The following SDK1 variants were observed in gnomAD, a reference collection of about 807,000 sequenced individuals.
The protein encoded by SDK1 is protein sidekick-1.
Under a neutral mutation model 245.5 loss-of-function variants are expected in SDK1, and 157 were observed. The ratio of observed to expected loss-of-function variants is 0.64; its 90% CI spans 0.56 to 0.73. SDK1 has a LOEUF of 0.73. SDK1 is among the 30% of genes least tolerant of loss of function. The pLI is 0.00. For synonymous variants in SDK1, 1,647 were observed against 1,278.5 expected, an observed-to-expected ratio of 1.29 and a Z score of -6.15; for missense variants, 3,583 against 3,002.3, an observed-to-expected ratio of 1.19 and a Z score of -4.52.
At chr7:3,552,183 G>A (rs927424226) in intron 1 of SDK1, among the ~76,000 whole-genome samples, 6 of 151,966 alleles carry the variant, frequency 3.9e-5, no homozygotes, top group South Asian at 2.1e-4. Context: ...GACTACAGGC[G>A]CCCACCACCA....
chr7:3,332,507 C>A (rs1241330484), intron 1 of SDK1, among the ~76,000 whole-genome samples: 1 of 152,144 alleles, frequency 6.6e-6, no homozygotes, highest in Non-Finnish European at 1.5e-5. Context: ...AAAGCGAAGT[C>A]AGAGTCATTA....
At chr7:3,631,411 G>A (rs932252018) in intron 2 of SDK1, among the ~76,000 whole-genome samples, 1 of 152,076 alleles carries the variant, frequency 6.6e-6, no homozygotes, top group African/African-American at 2.4e-5. Flanking sequence ...TTCTCTAGTT[G>A]TCCATCTTGA....
intron 5 of SDK1, among the ~76,000 whole-genome samples, chr7:3,856,510 G>T (rs1365629469): frequency 2.0e-5 from 3 of 147,194 alleles, no homozygotes; most frequent in Non-Finnish European, 4.5e-5. Flanking sequence ...AAAGCAGCTG[G>T]CCGGGCATGG....
intron 1 of SDK1, among the ~76,000 whole-genome samples, chr7:3,452,851 T>C (rs929340628): frequency 6.6e-6 from 1 of 152,178 alleles, no homozygotes; most frequent in Non-Finnish European, 1.5e-5. Context: ...CTAGGTCATC[T>C]CTTTCTTCCC....
chr7:3,640,430 C>G (rs1221340313), intron 3 of SDK1, among the ~76,000 whole-genome samples: 6 of 151,990 alleles, frequency 3.9e-5, no homozygotes, highest in African/African-American at 1.4e-4. Context: ...AGTGGAGATG[C>G]TATACATGTT....
intron 26 of SDK1, among the ~76,000 whole-genome samples, chr7:4,127,763 C>T (rs1389145838): frequency 2.0e-5 from 3 of 152,346 alleles, no homozygotes; most frequent in East Asian, 1.9e-4. Context: ...TCCGGGCCTG[C>T]GCCTGACTCT....
chr7:3,629,658 G>C (rs1182191515), intron 2 of SDK1, among the ~76,000 whole-genome samples: 1 of 152,154 alleles, frequency 6.6e-6, no homozygotes, highest in African/African-American at 2.4e-5. Context: ...GATCCAAAAG[G>C]ATCAAACTGT....
At chr7:3,500,308 T>C (rs1782156736) in intron 1 of SDK1, among the ~76,000 whole-genome samples, 1 of 152,200 alleles carries the variant, frequency 6.6e-6, no homozygotes, top group African/African-American at 2.4e-5. Flanking sequence ...CTTGTGTTAG[T>C]GGAACATGTC....
rs186751883 is a variant in SDK1 at position 4,080,252 on chromosome 7, G to A, written c.3324+668G>A. Among the ~76,000 whole-genome samples, 516 of 152,184 alleles carry A rather than the reference G, an allele frequency of 3.4e-3. 3 individuals carry two copies. The highest frequency in any genetic ancestry group is 0.031 in the South Asian group (151 of 4,802). The stretch of plus-strand genomic sequence containing the variant: ...GAGTGGACTCCGCCGAGAGACTTCC[G>A]GTCCGACTCCAGCTGTGCAAGTGCT... On this transcript the variant is annotated intron_variant, in intron 22 of 44. Transcript: ENST00000404826.
In SDK1 at chr7:3,748,478, G is replaced by T. The variant is rs181365098; in HGVS notation, c.714-72972G>T. Among the ~76,000 whole-genome samples, 41 of 152,316 alleles carry T rather than the reference G, an allele frequency of 2.7e-4. 1 individual carries two copies. The highest frequency in any genetic ancestry group is 8.9e-4 in the African/African-American group (37 of 41,562). ...ATTAAATGGCGAGTAGTCAGGTCCAGTGTTGGCTTTTGTCCCTGTGAGGTC... is the reference window on the plus strand; with the variant it reads ...ATTAAATGGCGAGTAGTCAGGTCCATTGTTGGCTTTTGTCCCTGTGAGGTC... On this transcript the variant is annotated intron_variant, in intron 4 of 44. Transcript: ENST00000404826.
chr7:3,311,248 A>G lies in SDK1; in HGVS notation c.298+9364A>G, dbSNP rs544320873. On this transcript the variant is annotated intron_variant, in intron 1 of 44. Coordinates refer to ENST00000404826, the MANE Select transcript of SDK1 (RefSeq NM_152744.4). ...ATGGTTATGATAATATAGAAATAAT[A>G]TTTGAACTGCAGTAGTATTGGGATG... Among the ~76,000 whole-genome samples, 4 of 152,244 alleles carry G rather than the reference A, an allele frequency of 2.6e-5. No individual in the cohort carries two copies. The South Asian group carries it at 8.3e-4, about 32-fold the overall frequency.
chr7:3,981,735 C>T (rs552434385), intron 13 of SDK1, among the ~76,000 whole-genome samples: 1 of 152,310 alleles, frequency 6.6e-6, no homozygotes, highest in African/African-American at 2.4e-5. Flanking sequence ...TAGCTCTCTT[C>T]AGTTTTGTGA....
chr7:3,391,179 G>C (rs571379103), intron 1 of SDK1, among the ~76,000 whole-genome samples: 1 of 151,908 alleles, frequency 6.6e-6, no homozygotes, highest in South Asian at 2.1e-4. Flanking sequence ...GTTACATAAA[G>C]TGGTACTATG....
rs111530417 is a variant in SDK1 at position 3,715,881 on chromosome 7, G to A, written c.713+73776G>A. ...TTTAAAGCAGCCATCATAAAAGGGC[G>A]TCAGCAGCAAACTATTCATTCTCCT... On this transcript the variant is annotated intron_variant, in intron 4 of 44. Coordinates refer to ENST00000404826, the MANE Select transcript of SDK1 (RefSeq NM_152744.4). 4.0e-3 allele frequency among the ~76,000 whole-genome samples: 602 copies of A among 152,272 alleles called. 8 individuals carry two copies. Among genetic ancestry groups the A allele is most frequent in the African/African-American group, 0.013 (560 of 41,548 alleles).
chr7:3,833,310 A>T (rs1358083403), intron 5 of SDK1, among the ~76,000 whole-genome samples: 10 of 152,070 alleles, frequency 6.6e-5, no homozygotes, highest in Admixed American at 1.3e-4. Context: ...TATTTTGTTG[A>T]GGTGTGTCCC....
intron 5 of SDK1, among the ~76,000 whole-genome samples, chr7:3,842,867 A>AT (rs1255546536): frequency 2.0e-5 from 3 of 152,106 alleles, no homozygotes; most frequent in Admixed American, 6.5e-5. Flanking sequence ...GAGTCAAGAC[A>AT]TTTACTATGA....
chr7:3,948,017 C>T (rs1312860766), intron 5 of SDK1, among the ~76,000 whole-genome samples: 1 of 152,064 alleles, frequency 6.6e-6, no homozygotes, highest in Non-Finnish European at 1.5e-5. Flanking sequence ...AAATTTAAAA[C>T]AATTTTTTAA....
intron 4 of SDK1, among the ~76,000 whole-genome samples, chr7:3,770,107 A>G (rs1037994088): frequency 1.3e-5 from 2 of 152,126 alleles, no homozygotes; most frequent in South Asian, 2.1e-4. Context: ...TATTTATAAA[A>G]GGGCAACAGA....
At chr7:4,124,607 G>A (rs977089224) in intron 25 of SDK1, among the ~76,000 whole-genome samples, 6 of 152,166 alleles carry the variant, frequency 3.9e-5, no homozygotes, top group Admixed American at 2.0e-4. Context: ...CTGAGATACC[G>A]GAGGTTAGGA....
Sources: allele counts gnomAD v4.1 joint callset (sites outside exome capture counted in the v4.1 genomes callset), GRCh38; gene constraint gnomAD v4.1.1; transcripts MANE v1.5; gene names NCBI Gene and HGNC (gene_info 2026-07-23, HGNC 2026-07-21).